The following BARD1 variants were observed in gnomAD, a reference collection of about 807,000 sequenced individuals.
BARD1 encodes BRCA1 associated RING domain 1.
Under a neutral mutation model 77.0 loss-of-function variants are expected in BARD1, and 73 were observed. The observed-to-expected ratio is 0.95, with a 90% CI of 0.79 to 1.15. BARD1 has a LOEUF of 1.15. Among genes scored for constraint, BARD1 ranks in the 50% most tolerant of loss-of-function variants. The pLI is 0.00. For missense variants in BARD1, 993 were observed against 938.8 expected, an observed-to-expected ratio of 1.06 and a Z score of -0.75; for synonymous variants, 384 against 338.0, an observed-to-expected ratio of 1.14 and a Z score of -1.49.
intron 9 of BARD1, among the ~76,000 whole-genome samples, chr2:214,741,823 T>C (rs114747015): frequency 0.014 from 2,160 of 152,328 alleles, 12 homozygotes; most frequent in Middle Eastern, 0.027. Context: ...ATACTCTGTA[T>C]AAACAATGTA....
intron 1 of BARD1, among the ~76,000 whole-genome samples, chr2:214,805,046 AGCTACTCAGGAG>A (rs1268298820): frequency 6.6e-6 from 1 of 152,144 alleles, no homozygotes; most frequent in East Asian, 1.9e-4. Context: ...CTGTAATCCC[AGCTACTCAGGAG>A]GCTGAGGCAG....
intron 9 of BARD1, among the ~76,000 whole-genome samples, chr2:214,737,921 G>C (rs377640102): frequency 7.2e-5 from 11 of 152,034 alleles, no homozygotes; most frequent in African/African-American, 1.7e-4. Context: ...TTAGTAGAAA[G>C]ATGAACTCTT....
At chr2:214,771,976 A>C (rs1694519677) in intron 4 of BARD1, among the ~76,000 whole-genome samples, 1 of 150,720 alleles carries the variant, frequency 6.6e-6, no homozygotes, top group Non-Finnish European at 1.5e-5. Flanking sequence ...AACAGTGCAA[A>C]TTCTACTTCT....
At chr2:214,745,529 T>G (rs1399215209) in intron 8 of BARD1, among the ~76,000 whole-genome samples, 193 bp downstream of exon 8, 5 of 152,198 alleles carry the variant, frequency 3.3e-5, no homozygotes, top group African/African-American at 1.2e-4. Context: ...CCTTTAAACT[T>G]TACATTTCCT....
intron 9 of BARD1, among the ~76,000 whole-genome samples, chr2:214,738,680 T>C (rs1345884401): frequency 3.3e-5 from 5 of 151,962 alleles, no homozygotes; most frequent in Admixed American, 3.3e-4. Context: ...TGTTCCTGAA[T>C]CCACAGTTAT....
chr2:214,792,508 T>C, intron 2 of BARD1, 63 bp from the exon 3 acceptor site: 4 of 1,445,504 alleles, frequency 2.8e-6, no homozygotes, highest in Non-Finnish European at 1.8e-6. Context: ...TTCCAAAAAC[T>C]AAACAGTTTG....
At position 214,726,037 on chromosome 2, in the gene BARD1, CAA is replaced by C. The variant is rs34062442; in HGVS notation, c.*2637_*2638del. The stretch of plus-strand genomic sequence containing the variant: ...AACTATTAAATTTACAAGGCAGGTG[CAA>C]AAAAAAAAAAAGGTGGGGGGACCGA... On this transcript the variant is annotated 3_prime_UTR_variant, in exon 11 of 11. Coordinates refer to ENST00000260947, the MANE Select transcript of BARD1 (RefSeq NM_000465.4). 577 of 179,464 alleles carry C rather than the reference CAA, an allele frequency of 3.2e-3. No homozygotes were observed. The highest frequency in any genetic ancestry group is 8.2e-3 in the Middle Eastern group (5 of 610). 11.1% of individuals were successfully genotyped at this position (179,464 alleles called of 1,614,324 possible).
At chr2:214,777,099 A>G (rs1301353982) in intron 4 of BARD1, among the ~76,000 whole-genome samples, 2 of 152,130 alleles carry the variant, frequency 1.3e-5, no homozygotes, top group African/African-American at 4.8e-5. Context: ...AGCTGACAAC[A>G]TGATTTTAGT....
intron 4 of BARD1, among the ~76,000 whole-genome samples, chr2:214,775,876 C>T (rs1179627713): frequency 6.6e-6 from 1 of 152,152 alleles, no homozygotes; most frequent in East Asian, 1.9e-4. Context: ...GCCAAGGCTG[C>T]TTTTGTTTCC....
chr2:214,751,410 G>A (rs898549246), intron 7 of BARD1, among the ~76,000 whole-genome samples: 6 of 151,060 alleles, frequency 4.0e-5, no homozygotes, highest in Admixed American at 1.3e-4. Context: ...TGATCCACCC[G>A]CCCCAGCCTC....
chr2:214,800,510 C>T (rs1473400107), intron 1 of BARD1, among the ~76,000 whole-genome samples: 1 of 152,182 alleles, frequency 6.6e-6, no homozygotes, highest in African/African-American at 2.4e-5. Context: ...TGAATAGCCA[C>T]TGCGCTCCAG....
rs1400074259 is a variant in BARD1 at position 214,752,441 on chromosome 2, A to T, written c.1677+6T>A. ...ATAAATGTCCCAAAGCTAAATCCAT[A>T]CTTACTACTGAGCAGTGGCTAGCTG... On this transcript the variant is annotated splice_donor_region_variant and intron_variant, in intron 7 of 10. Transcript: ENST00000260947. 1 of 1,596,760 alleles carries T rather than the reference A, an allele frequency of 6.3e-7. No homozygotes were observed. Among genetic ancestry groups the T allele is most frequent in the Non-Finnish European group, 8.6e-7 (1 of 1,164,408 alleles).
At position 214,809,371 on chromosome 2, in the gene BARD1, C is replaced by A. The variant is rs555835196; in HGVS notation, c.158+41G>T. The A allele has an allele frequency of 7.5e-4, 1,207 of 1,609,970 alleles. 7 individuals carry two copies. The highest frequency in any genetic ancestry group is 1.9e-4 in the Non-Finnish European group (226 of 1,178,864). On this transcript the variant is annotated intron_variant, in intron 1 of 10. Coordinates refer to ENST00000260947, the MANE Select transcript of BARD1 (RefSeq NM_000465.4). ...TCTGCCGCCCCCAGAAACTGTGCGA[C>A]CCGTGCCCTCGCAGCCACCCCCAAG...
chr2:214,774,672 C>T (rs1247519461), intron 4 of BARD1, among the ~76,000 whole-genome samples: 1 of 152,172 alleles, frequency 6.6e-6, no homozygotes, highest in Admixed American at 6.5e-5. Context: ...AACAAGAAAG[C>T]CTGTCCTTTG....
intron 4 of BARD1, among the ~76,000 whole-genome samples, chr2:214,779,928 T>G (rs140186917): frequency 6.6e-6 from 1 of 152,216 alleles, no homozygotes; most frequent in Non-Finnish European, 1.5e-5. Flanking sequence ...GATTAACCAC[T>G]GCCAAGTGTT....
At chr2:214,764,919 T>C (rs1462994804) in intron 6 of BARD1, among the ~76,000 whole-genome samples, 1 of 151,720 alleles carries the variant, frequency 6.6e-6, no homozygotes, top group East Asian at 1.9e-4. Flanking sequence ...ACAGCCACCA[T>C]ACTCTTGTAC....
intron 4 of BARD1, among the ~76,000 whole-genome samples, chr2:214,773,659 T>C (rs1350536308): frequency 2.6e-5 from 4 of 152,114 alleles, no homozygotes; most frequent in East Asian, 1.9e-4. Flanking sequence ...CAGACCTTAA[T>C]TGAAAATAAC....
At chr2:214,783,603 C>T (rs1442102372) in intron 3 of BARD1, among the ~76,000 whole-genome samples, 4 of 151,996 alleles carry the variant, frequency 2.6e-5, no homozygotes, top group Non-Finnish European at 4.4e-5. Context: ...AGGACAAATA[C>T]CTAATGCATG....
At chr2:214,765,636 G>C (rs1327798567) in intron 6 of BARD1, among the ~76,000 whole-genome samples, 1 of 152,140 alleles carries the variant, frequency 6.6e-6, no homozygotes, top group African/African-American at 2.4e-5. Context: ...CCTGACCCAA[G>C]CAATAATTTG....
Sources: gnomAD v4.1 joint callset for allele counts (sites outside exome capture counted in the v4.1 genomes callset) on GRCh38, gnomAD v4.1.1 for gene constraint, MANE v1.5 for transcripts, NCBI Gene and HGNC (gene_info 2026-07-23, HGNC 2026-07-21) for gene names.